The following CSF3R variants were observed in gnomAD, a reference collection of about 807,000 sequenced individuals.
CSF3R encodes the protein colony stimulating factor 3 receptor.
In CSF3R, 52 loss-of-function variants were observed where a neutral mutation model predicts 84.4. The ratio of observed to expected loss-of-function variants is 0.62; its 90% CI spans 0.49 to 0.78. The LOEUF (loss-of-function observed/expected upper bound fraction) is 0.78. Among genes scored for constraint, CSF3R ranks in the 30% least tolerant of loss-of-function variants. CSF3R has a pLI of 0.00. For synonymous variants in CSF3R, 384 were observed against 429.1 expected (o/e 0.89, Z 1.30); for missense variants, 890 against 1,055.7 (o/e 0.84, Z 2.17).
chr1:36,467,962 G>T lies in CSF3R; in HGVS notation c.1724C>A (p.Ser575Tyr). The T allele has an allele frequency of 6.2e-7, 1 of 1,614,208 alleles. No individual in the cohort carries two copies. The highest frequency in any genetic ancestry group is 8.5e-7 in the Non-Finnish European group (1 of 1,180,048). Residue 575 changes from serine to tyrosine, a missense_variant and splice_region_variant, in exon 14 of 17, where the codon TCC becomes TAC. Transcript: ENST00000373106. This position sits in a 1 kb window ranked among gnomAD's most constrained non-coding sequence, Gnocchi z 4.1. ...ACGGGAGGAGGCATTCAGGATGGCG[G>T]CTGGGAGGGGTGTACGGTCAGCATA... ...FWTNAQNQSF[S>Y]AILNASSRGF...
In CSF3R at chr1:36,472,001, T is replaced by G; in HGVS notation, c.1071+65A>C. ...ACCTGTTGGAGTCCTAAGCCCCGGT[T>G]TGTAGGGATCTGTTTGGACTGCGGG... On this transcript the variant is annotated intron_variant, in intron 9 of 16. Transcript: ENST00000373106. This position sits in a 1 kb window ranked among gnomAD's most constrained non-coding sequence, Gnocchi z 5.0. 2.0e-6 allele frequency: 3 copies of G among 1,519,544 alleles called. No individual in the cohort carries two copies. The highest frequency in any genetic ancestry group is 2.7e-6 in the Non-Finnish European group (3 of 1,101,624). The allele number at this position is 1,519,544 out of a possible 1,614,324, so 94.1% of individuals were successfully genotyped here. A position where few individuals can be genotyped will look rare whatever the true frequency, so the allele number is the denominator to read the frequency against.
chr1:36,475,104 G>A (rs1165719464), intron 4 of CSF3R, among the ~76,000 whole-genome samples: 1 of 151,414 alleles, frequency 6.6e-6, no homozygotes, highest in African/African-American at 2.4e-5. Context: ...TCCTGGGTTC[G>A]AGCAGTTCTC....
Position 36,471,177 on chromosome 1 carries a change from C to T in CSF3R, c.1285+256G>A, listed in dbSNP as rs192884950. Among the ~76,000 whole-genome samples, 231 of 152,182 alleles carry T rather than the reference C, an allele frequency of 1.5e-3. 1 individual carries two copies. The highest frequency in any genetic ancestry group is 5.3e-3 in the African/African-American group (220 of 41,516). ...TCTCCTGCCTCAGCCTCCGGAGTAG[C>T]TGGGATTACAGGTGCCCGCCACTAT... is the stretch of plus-strand genomic sequence containing the variant. On this transcript the variant is annotated intron_variant, in intron 10 of 16. Transcript: ENST00000373106.
Position 36,467,258 on chromosome 1 carries a change from C to T in CSF3R, c.2012G>A (p.Gly671Asp). 1 of 1,614,196 alleles carries T rather than the reference C, an allele frequency of 6.2e-7. No homozygotes were observed. The highest frequency in any genetic ancestry group is 8.5e-7 in the Non-Finnish European group (1 of 1,180,030). ...CTCCATGATTGTGGGCACCCAGGAGCCCAGGCTGCTGTGAGCTGGGTCTGG... is the reference window on the plus strand; with the variant it reads ...CTCCATGATTGTGGGCACCCAGGAGTCCAGGCTGCTGTGAGCTGGGTCTGG... ...SVPDPAHSSL[G>D]SWVPTIMEED... Residue 671 changes from glycine to aspartate, a missense_variant, in exon 16 of 17, where the codon GGC becomes GAC. Gly to Asp is a moderately conservative substitution (Grantham distance 94). Coordinates refer to ENST00000373106, the MANE Select transcript of CSF3R (RefSeq NM_000760.4). This position sits in a 1 kb window ranked among gnomAD's most constrained non-coding sequence, Gnocchi z 4.1.
In CSF3R at chr1:36,466,405, G is replaced by A. The variant is rs1446785045; in HGVS notation, c.2463C>T (p.Leu821=). 1 of 1,613,700 alleles carries A rather than the reference G, an allele frequency of 6.2e-7. No individual in the cohort carries two copies. Among genetic ancestry groups the A allele is most frequent in the Non-Finnish European group, 8.5e-7 (1 of 1,180,000 alleles). ...TCCCATGGACCCGGATCCCCTGCAG[G>A]AGGGGGAAGTTGAGCAGTGGCCCAA... The part of the protein sequence containing the change: ...CVFGPLLNFP[L]LQGIRVHGME... The change falls in exon 17 of 17, where the codon CTC becomes CTT. Residue 821 remains leucine (L), a synonymous_variant. Transcript: ENST00000373106. The surrounding 1 kb of genome is among the most constrained non-coding windows in gnomAD (Gnocchi z 4.6).
intron 12 of CSF3R, chr1:36,468,507 C>T (rs1650492939): frequency 6.2e-6 from 2 of 322,238 alleles, no homozygotes; most frequent in Non-Finnish European, 1.1e-5. Flanking sequence ...GCCACTCACT[C>T]TCCGAATTTA....
chr1:36,477,238 A>T (rs1422273563), intron 3 of CSF3R: 1 of 152,044 alleles, frequency 6.6e-6, no homozygotes, highest in Non-Finnish European at 1.5e-5. Context: ...CCTAGTACAG[A>T]GTAGGACCTT....
At chr1:36,479,962 A>C (rs1241498483) in intron 2 of CSF3R, 2 of 302,650 alleles carry the variant, frequency 6.6e-6, no homozygotes, top group Non-Finnish European at 1.3e-5. Flanking sequence ...AAGCCAGCAC[A>C]AAGTTACATC....
chr1:36,469,000 G>T, intron 12 of CSF3R, 156 bp downstream of exon 12: 1 of 665,332 alleles, frequency 1.5e-6, no homozygotes, highest in Non-Finnish European at 2.8e-6. Flanking sequence ...CAGCTGTAGG[G>T]ATCCAGTGTA....
Position 36,467,417 on chromosome 1 carries a change from G to GA in CSF3R, c.1959-107dup. 7.0e-7 allele frequency: 1 copy of GA among 1,423,502 alleles called. No individual in the cohort carries two copies. The highest frequency in any genetic ancestry group is 9.9e-7 in the Non-Finnish European group (1 of 1,007,548). 88.2% of individuals were successfully genotyped at this position (1,423,502 alleles called of 1,614,324 possible). On this transcript the variant is annotated intron_variant, in intron 15 of 16. Transcript: ENST00000373106. The surrounding 1 kb of genome is among the most constrained non-coding windows in gnomAD (Gnocchi z 4.1). ...GAGGTGCAGCTGCCCTTAGTGCAGA[G>GA]AGAAGAAGCTGGGGGCTGGGACTCT... is the stretch of plus-strand genomic sequence containing the variant.
chr1:36,466,760 T>C lies in CSF3R; in HGVS notation c.2108A>G (p.Glu703Gly), dbSNP rs1418626869. ...ITKLTVLEED[E>G]KKPVPWESHN... ...GGACTCCCAGGGCACCGGCTTCTTT[T>C]CATCCTCCTCCAGCACTGTGAGCTT... The change falls in exon 17 of 17, where the codon GAA becomes GGA. Residue 703 changes from glutamate (E) to glycine (G), a missense_variant. Transcript: ENST00000373106. This position sits in a 1 kb window ranked among gnomAD's most constrained non-coding sequence, Gnocchi z 4.6. 1 of 1,614,194 alleles carries C rather than the reference T, an allele frequency of 6.2e-7. No homozygotes were observed. Among genetic ancestry groups the C allele is most frequent in the Admixed American group, 1.7e-5 (1 of 60,026 alleles).
intron 3 of CSF3R, chr1:36,478,966 T>C: frequency 3.6e-6 from 1 of 278,080 alleles, no homozygotes; most frequent in South Asian, 3.8e-5. Flanking sequence ...GCACAGCATC[T>C]TTATCAATCC....
rs1411956354 is a variant in CSF3R, at chr1:36,472,918, A to G, written c.674-232T>C. On this transcript the variant is annotated intron_variant, in intron 6 of 16. Transcript: ENST00000373106. The surrounding 1 kb of genome is among the most constrained non-coding windows in gnomAD (Gnocchi z 5.0). Reference sequence around the variant, plus strand: ...TGCTTGAAATGTTTTCCCTCCAGATATCCAGCGGCTTGCTCCCTCATTTCC... The same window carrying G: ...TGCTTGAAATGTTTTCCCTCCAGATGTCCAGCGGCTTGCTCCCTCATTTCC... 2 of 546,824 alleles carry G rather than the reference A, an allele frequency of 3.7e-6. No individual in the cohort carries two copies. The highest frequency in any genetic ancestry group is 5.5e-5 in the South Asian group (2 of 36,664). The allele number at this position is 546,824 out of a possible 1,614,324, so 33.9% of individuals were successfully genotyped here. A position where few individuals can be genotyped will look rare whatever the true frequency, so the allele number is the denominator to read the frequency against.
intron 12 of CSF3R, chr1:36,468,780 C>G (rs1650513157): frequency 3.8e-6 from 1 of 263,014 alleles, no homozygotes; most frequent in Non-Finnish European, 7.5e-6. Context: ...AGGCTGGTCT[C>G]AAACTCTTGA....
Position 36,469,243 on chromosome 1 carries a change from AG to A in CSF3R, c.1488del (p.Gln498SerfsTer7), listed in dbSNP as rs1557589366. On this transcript the variant is annotated frameshift_variant, in exon 12 of 17. Transcript: ENST00000373106. LOFTEE classifies it high-confidence loss of function. ...GTCACGATGATCTCATAGAGCTGAA[AG>A]GGCCTGATGTTCTCTGTAGAGAGAA... ...TGFLLKENIRPFQLYEIIVTP... is the reference protein window; with the variant it reads ...TGFLLKENIRXFQLYEIIVTP... 1.9e-6 allele frequency: 3 copies of A among 1,613,952 alleles called. No homozygotes were observed. Among genetic ancestry groups the A allele is most frequent in the Non-Finnish European group, 2.5e-6 (3 of 1,179,828 alleles).
intron 3 of CSF3R, 142 bp from the exon 4 acceptor site, chr1:36,475,815 G>T: frequency 1.2e-6 from 1 of 825,076 alleles, no homozygotes; most frequent in Non-Finnish European, 1.9e-6. Context: ...ATGGAAGGAT[G>T]GGGACGGAGA....
At chr1:36,482,203 A>C (rs572109291) in intron 1 of CSF3R, among the ~76,000 whole-genome samples, 1 of 152,086 alleles carries the variant, frequency 6.6e-6, no homozygotes, top group Non-Finnish European at 1.5e-5. Flanking sequence ...AAATCCACAC[A>C]GACTGAAACG....
Position 36,472,436 on chromosome 1 carries a change from A to G in CSF3R, c.844-45T>C, listed in dbSNP as rs116121771. Reference sequence around the variant, plus strand: ...ACTCTGAGCCTTGGATCGCTGGGCCATTCTAGGGCCAGCTCGAGCCCGACT... The same window carrying G: ...ACTCTGAGCCTTGGATCGCTGGGCCGTTCTAGGGCCAGCTCGAGCCCGACT... On this transcript the variant is annotated intron_variant, in intron 7 of 16. Coordinates refer to ENST00000373106, the MANE Select transcript of CSF3R (RefSeq NM_000760.4). This position sits in a 1 kb window ranked among gnomAD's most constrained non-coding sequence, Gnocchi z 5.0. 1.9e-6 allele frequency: 3 copies of G among 1,613,808 alleles called. No individual in the cohort carries two copies. Among genetic ancestry groups the G allele is most frequent in the Non-Finnish European group, 2.5e-6 (3 of 1,179,902 alleles).
Position 36,472,264 on chromosome 1 carries a change from C to A in CSF3R, c.971G>T (p.Ser324Ile), listed in dbSNP as rs772453466. The A allele has an allele frequency of 6.2e-7, 1 of 1,614,210 alleles. No individual in the cohort carries two copies. The highest frequency in any genetic ancestry group is 1.7e-5 in the Admixed American group (1 of 60,026). ...CCGTTCGGTAGTTCTCAGCTCCAGG[C>A]TGGGGCTCCAGTCGCTCCAGTGGCC... ...LPGHWSDWSP[S>I]LELRTTERAP... Residue 324 changes from serine to isoleucine, a missense_variant, in exon 8 of 17, where the codon AGC becomes ATC. Ser to Ile is a moderately radical substitution (Grantham distance 142). Transcript: ENST00000373106. This position sits in a 1 kb window ranked among gnomAD's most constrained non-coding sequence, Gnocchi z 5.0.
Sources: gnomAD v4.1 joint callset for allele counts (sites outside exome capture counted in the v4.1 genomes callset) on GRCh38, gnomAD v4.1.1 for gene constraint, Gnocchi (gnomAD v3.1) non-coding constraint, MANE v1.5 for transcripts, NCBI Gene and HGNC (gene_info 2026-07-23, HGNC 2026-07-21) for gene names.